Variants in CCDC57 observed in about 807,000 individuals in gnomAD.
CCDC57 encodes the protein coiled-coil domain containing 57, also known as coiled-coil domain-containing protein 57.
A neutral mutation model predicts 118.9 loss-of-function variants in CCDC57; 118 were observed. The observed-to-expected ratio is 0.99, with a 90% CI of 0.86 to 1.16. CCDC57 has a LOEUF of 1.16. Ranked by LOEUF, CCDC57 falls within the 50% of genes most tolerant of loss-of-function variation. The pLI, the probability that CCDC57 is intolerant of heterozygous loss-of-function variation, is 0.00. For synonymous variants in CCDC57, 527 were observed against 532.9 expected (o/e 0.99, Z 0.15); for missense variants, 1,300 against 1,320.7 (o/e 0.98, Z 0.24).
In CCDC57 at chr17:82,172,941, C is replaced by T; in HGVS notation, c.1507-81G>A. On this transcript the variant is annotated intron_variant, in intron 11 of 19. Coordinates refer to ENST00000665763, the Ensembl canonical transcript of CCDC57. This position sits in a 1 kb window ranked among gnomAD's most constrained non-coding sequence, Gnocchi z 5.2. The stretch of plus-strand genomic sequence containing the variant: ...CTGACAGGCTGTGCCTCCGCTCTCC[C>T]CGCGCCCCTCTCGGGCCGGTCCCCC... 2 of 1,319,810 alleles carry T rather than the reference C, an allele frequency of 1.5e-6. No individual in the cohort carries two copies. Among genetic ancestry groups the T allele is most frequent in the Middle Eastern group, 2.2e-4 (1 of 4,568 alleles). 81.8% of individuals were successfully genotyped at this position (1,319,810 alleles called of 1,614,324 possible). A position where few individuals can be genotyped will look rare whatever the true frequency, so the allele number is the denominator to read the frequency against.
At chr17:82,189,801 C>T (rs892330328) in intron 7 of CCDC57, among the ~76,000 whole-genome samples, 3 of 151,944 alleles carry the variant, frequency 2.0e-5, no homozygotes, top group Non-Finnish European at 4.4e-5. Flanking sequence ...TGCAGTGACC[C>T]GAGATCGCAC....
rs536952520 is a variant in CCDC57, at chr17:82,188,634, C to A, written c.852-215G>T. 7.0e-4 allele frequency among the ~76,000 whole-genome samples: 106 copies of A among 152,380 alleles called. 1 individual carries two copies. The South Asian group carries it at 0.012, about 18-fold the overall frequency. On this transcript the variant is annotated intron_variant, in intron 7 of 19. Coordinates refer to ENST00000665763, the Ensembl canonical transcript of CCDC57. ...CGATGCCAGGCCCCTGGCCTGCCCT[C>A]CAGAGCCCACAGCCCCCTGGAGAAG...
At chr17:82,199,018 A>G (rs1451520491) in intron 3 of CCDC57, among the ~76,000 whole-genome samples, 4 of 44,346 alleles carry the variant, frequency 9.0e-5, no homozygotes, top group Non-Finnish European at 1.7e-4. Flanking sequence ...AAGAAAAAGG[A>G]AAAAAAAGAA....
intron 5 of CCDC57, 74 bp downstream of exon 4, chr17:82,195,189 G>T (rs2048151756): frequency 1.9e-6 from 2 of 1,075,172 alleles, no homozygotes; most frequent in Non-Finnish European, 2.8e-6. Flanking sequence ...GTGCTGAGAT[G>T]ACAGGTGTGA....
Position 82,212,392 on chromosome 17 carries a change from C to CT in CCDC57, c.-211+392_-211+393insA, listed in dbSNP as rs1491501747. 0.19 allele frequency among the ~76,000 whole-genome samples: 3,293 copies of CT among 17,142 alleles called. 118 individuals are homozygous for CT. The highest frequency in any genetic ancestry group is 0.39 in the East Asian group (76 of 196). The allele number at this position is 17,142 out of a possible 152,430, so 11.2% of individuals were successfully genotyped here. ...ACCACCGCCTCCGGCCTTTTTTTTTCCTCTCTTTTTTTTTTTTTTTTTTTA... is the reference window on the plus strand; with the variant it reads ...ACCACCGCCTCCGGCCTTTTTTTTTCTCTCTCTTTTTTTTTTTTTTTTTTTA... On this transcript the variant is annotated intron_variant, in intron 1 of 19. Transcript: ENST00000665763. The surrounding 1 kb of genome is among the most constrained non-coding windows in gnomAD (Gnocchi z 4.1).
chr17:82,127,558 A>G (rs781617698), intron 19 of CCDC57, 134 bp downstream of exon 18: 1 of 1,446,044 alleles, frequency 6.9e-7, no homozygotes, highest in Admixed American at 2.9e-5. Context: ...GACTCCATGC[A>G]TTACTCAACC....
rs370679911 is a variant in CCDC57 at position 82,152,967 on chromosome 17, G to A, written c.2242-1194C>T. On this transcript the variant is annotated intron_variant, in intron 15 of 19. Coordinates refer to ENST00000665763, the Ensembl canonical transcript of CCDC57. The stretch of plus-strand genomic sequence containing the variant: ...CCTCTTGGACAGAGAAAGTTCTATG[G>A]TGCCGCAGGCCCCAGCTGAGGACGG... 1.2e-3 allele frequency among the ~76,000 whole-genome samples: 181 copies of A among 152,340 alleles called. 2 individuals carry two copies. Among genetic ancestry groups the A allele is most frequent in the African/African-American group, 4.0e-3 (167 of 41,576 alleles).
At chr17:82,140,026 A>G (rs2039804874) in intron 16 of CCDC57, among the ~76,000 whole-genome samples, 1 of 152,134 alleles carries the variant, frequency 6.6e-6, no homozygotes, top group African/African-American at 2.4e-5. Context: ...AGTCCACACA[A>G]ATTTTGTAGT....
chr17:82,142,241 T>C (rs9904520), intron 16 of CCDC57, among the ~76,000 whole-genome samples: 70,972 of 151,864 alleles, frequency 0.47, 17,391 homozygotes, highest in East Asian at 0.88. Flanking sequence ...AAGGACACTG[T>C]ATTATGAACC....
At chr17:82,160,025 G>A (rs1258264855) in intron 14 of CCDC57, 2 of 143,414 alleles carry the variant, frequency 1.4e-5, no homozygotes, top group Admixed American at 1.4e-4. Flanking sequence ...AAAAAAAAAA[G>A]CATCCAATTT....
intron 2 of CCDC57, among the ~76,000 whole-genome samples, chr17:82,204,327 T>G (rs759011979): frequency 3.9e-5 from 6 of 152,014 alleles, no homozygotes; most frequent in Non-Finnish European, 5.9e-5. Context: ...CCTCAGCTCC[T>G]ACAACGGCCC....
Position 82,179,019 on chromosome 17 carries a change from G to A in CCDC57, c.1374+8C>T, listed in dbSNP as rs751944057. 66 of 1,612,064 alleles carry A rather than the reference G, an allele frequency of 4.1e-5. No individual in the cohort carries two copies. Among genetic ancestry groups the A allele is most frequent in the Middle Eastern group, 1.6e-4 (1 of 6,072 alleles). On this transcript the variant is annotated splice_region_variant and intron_variant, in intron 10 of 19. Transcript: ENST00000665763. ...GAGAAGGCCCCAGGCCCTGGTGGCCGCACACACCTGACTTTTTGCCATGCT... is the reference window on the plus strand; with the variant it reads ...GAGAAGGCCCCAGGCCCTGGTGGCCACACACACCTGACTTTTTGCCATGCT...
intron 8 of CCDC57, among the ~76,000 whole-genome samples, chr17:82,186,123 T>A (rs62078344): frequency 0.17 from 26,224 of 151,868 alleles, 2,617 homozygotes; most frequent in Non-Finnish European, 0.23. Context: ...GCCGAGGTCA[T>A]CATTTAATGC....
chr17:82,189,910 C>CTGTAATCCCAGCTACTCGGAAGGCT (rs1368970156), intron 7 of CCDC57, among the ~76,000 whole-genome samples: 2 of 151,480 alleles, frequency 1.3e-5, no homozygotes, highest in Non-Finnish European at 2.9e-5. Context: ...CTGGGGAGGC[C>CTGTAATCCCAGCTACTCGGAAGGCT]GAGGCAGGAG....
intron 7 of CCDC57, among the ~76,000 whole-genome samples, chr17:82,190,322 G>C (rs2146666662): frequency 6.6e-6 from 1 of 152,316 alleles, no homozygotes; most frequent in African/African-American, 2.4e-5. Context: ...CCTATGCAAA[G>C]GTCCACCAGT....
chr17:82,154,697 G>C (rs2042468857), intron 15 of CCDC57: 1 of 149,866 alleles, frequency 6.7e-6, no homozygotes, highest in East Asian at 2.0e-4. Flanking sequence ...CCCACGTGGT[G>C]TTTCTACGGA....
chr17:82,115,229 T>A (rs990892563), intron 19 of CCDC57, among the ~76,000 whole-genome samples: 1 of 143,288 alleles, frequency 7.0e-6, no homozygotes, highest in African/African-American at 2.6e-5. Flanking sequence ...CCCTGTGTGA[T>A]CTCCAGCGGA....
intron 16 of CCDC57, among the ~76,000 whole-genome samples, chr17:82,150,805 A>G (rs1208323919): frequency 7.3e-5 from 8 of 109,930 alleles, no homozygotes; most frequent in Admixed American, 9.9e-5. Context: ...AACCTGACCC[A>G]CACCCAGAAC....
intron 14 of CCDC57, among the ~76,000 whole-genome samples, chr17:82,159,512 G>A (rs8081783): frequency 0.47 from 70,993 of 151,778 alleles, 17,410 homozygotes; most frequent in East Asian, 0.88. Flanking sequence ...CAACAACAAG[G>A]ACACACTTCC....
Sources: gnomAD v4.1 joint callset for allele counts (sites outside exome capture counted in the v4.1 genomes callset) on GRCh38, gnomAD v4.1.1 for gene constraint, Gnocchi (gnomAD v3.1) non-coding constraint, MANE v1.5 for transcripts, NCBI Gene and HGNC (gene_info 2026-07-23, HGNC 2026-07-21) for gene names.